Variants in SLC1A2 observed in about 807,000 individuals in gnomAD.
SLC1A2 encodes solute carrier family 1 member 2.
In SLC1A2, 15 loss-of-function variants were observed where a neutral mutation model predicts 48.8. That is an observed-to-expected ratio of 0.31 (90% CI 0.21 to 0.47). The LOEUF is 0.47. SLC1A2 is among the 20% of genes least tolerant of loss of function. The pLI is 0.99. For missense variants in SLC1A2, 502 were observed against 730.5 expected (o/e 0.69, Z 3.61); for synonymous variants, 279 against 272.6 (o/e 1.02, Z -0.23).
chr11:35,339,711 C>A (rs1178660950), intron 1 of SLC1A2, among the ~76,000 whole-genome samples: 1 of 152,096 alleles, frequency 6.6e-6, no homozygotes, highest in Non-Finnish European at 1.5e-5. Flanking sequence ...ATTGGACACA[C>A]AGAAGATTGA....
intron 7 of SLC1A2, among the ~76,000 whole-genome samples, chr11:35,287,523 T>A (rs571382237): frequency 2.0e-5 from 3 of 152,208 alleles, no homozygotes; most frequent in African/African-American, 4.8e-5. Context: ...AGCAATTCAC[T>A]GGGGAACCTC....
chr11:35,392,116 CGTGT>C (rs1225827656), intron 1 of SLC1A2, among the ~76,000 whole-genome samples: 1 of 151,754 alleles, frequency 6.6e-6, no homozygotes, highest in South Asian at 2.1e-4. Flanking sequence ...TGTTTGTGCA[CGTGT>C]GTGTGTGTGT....
chr11:35,294,832 C>T (rs1851121767), intron 6 of SLC1A2, among the ~76,000 whole-genome samples: 1 of 152,142 alleles, frequency 6.6e-6, no homozygotes, highest in African/African-American at 2.4e-5. Context: ...CTGAGAAAAG[C>T]ATGAGCTCCC....
At chr11:35,282,763 A>G (rs1286114582) in intron 8 of SLC1A2, among the ~76,000 whole-genome samples, 2 of 152,216 alleles carry the variant, frequency 1.3e-5, no homozygotes, top group Non-Finnish European at 2.9e-5. Context: ...GGTTAACATT[A>G]ACATTATCTG....
At chr11:35,355,660 G>A (rs183882897) in intron 1 of SLC1A2, among the ~76,000 whole-genome samples, 41 of 152,206 alleles carry the variant, frequency 2.7e-4, no homozygotes, top group African/African-American at 9.4e-4. Context: ...TGAGGTAGGC[G>A]GATCACTTGA....
At chr11:35,299,369 G>C (rs560343288) in intron 6 of SLC1A2, 9 of 151,168 alleles carry the variant, frequency 6.0e-5, no homozygotes, top group African/African-American at 2.2e-4. Flanking sequence ...GTGTGTGTGT[G>C]TGTATATATA....
At position 35,315,015 on chromosome 11, in the gene SLC1A2, A is replaced by C; in HGVS notation, c.310+8T>G. 6.2e-7 allele frequency: 1 copy of C among 1,607,362 alleles called. No homozygotes were observed. The highest frequency in any genetic ancestry group is 8.5e-7 in the Non-Finnish European group (1 of 1,173,918). On this transcript the variant is annotated splice_region_variant and intron_variant, in intron 3 of 10. Coordinates refer to ENST00000278379, the MANE Select transcript of SLC1A2 (RefSeq NM_004171.4). ...CATGTTAGCCAGGCACTAGTGAGGT[A>C]GTCTTACCTGTGATTAAGCTGGAGA...
intron 9 of SLC1A2, among the ~76,000 whole-genome samples, chr11:35,271,905 T>A (rs1020376631): frequency 6.6e-6 from 1 of 152,126 alleles, no homozygotes; most frequent in African/African-American, 2.4e-5. Flanking sequence ...CAAGAGCAGT[T>A]TCAATACAGA....
intron 1 of SLC1A2, among the ~76,000 whole-genome samples, chr11:35,380,197 A>G (rs575208122): frequency 6.6e-6 from 1 of 152,358 alleles, no homozygotes; most frequent in African/African-American, 2.4e-5. Context: ...GTAGATGCAC[A>G]GCATGCAATG....
chr11:35,336,211 C>T (rs1021282963), intron 1 of SLC1A2, among the ~76,000 whole-genome samples: 4 of 152,148 alleles, frequency 2.6e-5, no homozygotes, highest in African/African-American at 9.7e-5. Flanking sequence ...ATAGCTAATG[C>T]ATGCTGGGCT....
At chr11:35,310,745 A>G (rs1224810416) in intron 4 of SLC1A2, among the ~76,000 whole-genome samples, 1 of 152,174 alleles carries the variant, frequency 6.6e-6, no homozygotes, top group African/African-American at 2.4e-5. Context: ...GTTCTAGCCT[A>G]TGCTGGCCTT....
chr11:35,271,660 G>A (rs964760325), intron 9 of SLC1A2, among the ~76,000 whole-genome samples: 6 of 152,074 alleles, frequency 3.9e-5, no homozygotes, highest in African/African-American at 1.4e-4. Context: ...TGGCCAGCAC[G>A]GTGAAACCCC....
At chr11:35,273,184 T>C (rs895158075) in intron 9 of SLC1A2, among the ~76,000 whole-genome samples, 3 of 152,226 alleles carry the variant, frequency 2.0e-5, no homozygotes, top group African/African-American at 7.2e-5. Context: ...CCTCTCAGGA[T>C]GCATGGTGCG....
At chr11:35,408,618 G>A (rs575612563) in intron 1 of SLC1A2, among the ~76,000 whole-genome samples, 37 of 152,248 alleles carry the variant, frequency 2.4e-4, no homozygotes, top group African/African-American at 4.3e-4. Context: ...CAGGTATGCC[G>A]GGTATATTTA....
At chr11:35,285,273 A>G (rs1356714093) in intron 8 of SLC1A2, 1 of 152,220 alleles carries the variant, frequency 6.6e-6, no homozygotes, top group Non-Finnish European at 1.5e-5. Flanking sequence ...TTTGTCAGAT[A>G]ATTTCTTTGA....
chr11:35,386,846 T>A (rs1038435618), intron 1 of SLC1A2, among the ~76,000 whole-genome samples: 2 of 152,194 alleles, frequency 1.3e-5, no homozygotes, highest in Non-Finnish European at 2.9e-5. Flanking sequence ...TTCCTTAAAA[T>A]TACCTTGTCT....
chr11:35,420,035 C>G (rs1183211629), upstream of SLC1A2: 2 of 412,442 alleles, frequency 4.8e-6, no homozygotes, highest in Non-Finnish European at 5.1e-6. Flanking sequence ...GCTCCCTCCC[C>G]CGCCGAAGCT....
intron 1 of SLC1A2, among the ~76,000 whole-genome samples, chr11:35,362,119 G>A (rs530690189): frequency 1.9e-4 from 29 of 151,986 alleles, no homozygotes; most frequent in South Asian, 1.9e-3. Flanking sequence ...GGTGGAGATC[G>A]GGCCAGGGGA....
chr11:35,418,882 C>T lies in SLC1A2; in HGVS notation c.17+68G>A, dbSNP rs959815229. The T allele has an allele frequency of 2.0e-5, 29 of 1,456,128 alleles. 1 individual carries two copies. In the African/African-American group the frequency reaches 3.2e-4, roughly 16 times the overall value. The allele number at this position is 1,456,128 out of a possible 1,614,324, so 90.2% of individuals were successfully genotyped here. On this transcript the variant is annotated intron_variant, in intron 1 of 10. Coordinates refer to ENST00000278379, the MANE Select transcript of SLC1A2 (RefSeq NM_004171.4). Reference sequence around the variant, plus strand: ...CGCCGCCGCCTCTCTATCCGCATCCCGGATAGGGGCGCCACCACCCCGCGC... The same window carrying T: ...CGCCGCCGCCTCTCTATCCGCATCCTGGATAGGGGCGCCACCACCCCGCGC...
Sources: gnomAD v4.1 joint callset for allele counts (sites outside exome capture counted in the v4.1 genomes callset) on GRCh38, gnomAD v4.1.1 for gene constraint, MANE v1.5 for transcripts, NCBI Gene and HGNC (gene_info 2026-07-23, HGNC 2026-07-21) for gene names.